The following MYO18B variants were observed in gnomAD, a reference collection of about 807,000 sequenced individuals.
The protein encoded by MYO18B is unconventional myosin-XVIIIb.
MYO18B carries 204 observed loss-of-function variants against 273.0 expected under a neutral mutation model. The observed-to-expected ratio is 0.75, with a 90% CI of 0.67 to 0.84. MYO18B has a LOEUF of 0.84. Among genes scored for constraint, MYO18B ranks in the 40% least tolerant of loss-of-function variants. The pLI is 0.00. For missense variants in MYO18B, 3,212 were observed against 3,287.6 expected (o/e 0.98, Z 0.56); for synonymous variants, 1,330 against 1,305.7 (o/e 1.02, Z -0.40).
At chr22:25,817,421 T>C (rs74764437) in intron 12 of MYO18B, among the ~76,000 whole-genome samples, 5 of 88,466 alleles carry the variant, frequency 5.7e-5, no homozygotes, top group Non-Finnish European at 1.1e-4. Context: ...CTCCCTCTTT[T>C]CTTTCCCTTT....
chr22:26,058,645 T>C, the MYO18B span, among the ~76,000 whole-genome samples: 1 of 152,052 alleles, frequency 6.6e-6, no homozygotes, highest in Admixed American at 6.6e-5. Context: ...AATGACTGAG[T>C]TCTCACTCAT....
At chr22:25,821,303 C>CT (rs59356967) in intron 12 of MYO18B, among the ~76,000 whole-genome samples, 43,908 of 144,558 alleles carry the variant, frequency 0.3, 6,691 homozygotes, top group African/African-American at 0.39. Flanking sequence ...CTAAGAGTTC[C>CT]TTTTTTTTTT....
chr22:26,026,570 G>C lies in MYO18B; in HGVS notation c.6596G>C (p.Arg2199Pro). The C allele has an allele frequency of 6.2e-7, 1 of 1,613,838 alleles. No individual in the cohort carries two copies. The highest frequency in any genetic ancestry group is 2.2e-5 in the East Asian group (1 of 44,868). The part of the protein sequence containing the change: ...DKPVSPHFVR[R>P]QKYCHFGDGE... ...CCTGTTTCTCCCCACTTTGTCCGCC[G>C]GCAAAAGTACTGTCATTTTGGGGAC... is the stretch of plus-strand genomic sequence containing the variant. Residue 2199 changes from arginine to proline, a missense_variant, in exon 43 of 44, where the codon CGG becomes CCG. By Grantham distance (103) the Arg-to-Pro change is moderately radical. Transcript: ENST00000335473.
At chr22:25,848,508 G>C (rs2090326066) in intron 20 of MYO18B, among the ~76,000 whole-genome samples, 1 of 152,210 alleles carries the variant, frequency 6.6e-6, no homozygotes, top group Non-Finnish European at 1.5e-5. Context: ...TGTGGGAGAA[G>C]AGGCTGAGGC....
chr22:25,813,207 G>A (rs1251545550), intron 12 of MYO18B, among the ~76,000 whole-genome samples: 6 of 138,026 alleles, frequency 4.3e-5, no homozygotes, highest in African/African-American at 1.1e-4. Context: ...TTTTTGAGAC[G>A]GAGTTTCGCT....
intron 25 of MYO18B, 77 bp downstream of exon 25, chr22:25,878,125 A>G (rs1488745341): frequency 1.7e-6 from 2 of 1,155,892 alleles, no homozygotes; most frequent in Non-Finnish European, 2.5e-6. Context: ...GAGAACAATG[A>G]TATGCCTGAA....
intron 12 of MYO18B, among the ~76,000 whole-genome samples, chr22:25,818,981 G>T (rs893749050): frequency 6.6e-6 from 1 of 152,022 alleles, no homozygotes; most frequent in Non-Finnish European, 1.5e-5. Flanking sequence ...ATCCAGTTTG[G>T]GCCAACACCC....
intron 16 of MYO18B, 26 bp downstream of exon 16, chr22:25,833,023 G>A (rs1364659366): frequency 3.1e-6 from 5 of 1,596,586 alleles, no homozygotes; most frequent in Non-Finnish European, 4.3e-6. Flanking sequence ...GCCAATCCAG[G>A]CTCTCAGATG....
chr22:25,762,260 C>T (rs1486010775), intron 2 of MYO18B, among the ~76,000 whole-genome samples: 1 of 152,236 alleles, frequency 6.6e-6, no homozygotes, highest in Non-Finnish European at 1.5e-5. Flanking sequence ...CCAGCTTTAT[C>T]CCATGGCCTT....
chr22:26,009,705 C>A (rs1397706479), intron 42 of MYO18B, among the ~76,000 whole-genome samples: 1 of 152,044 alleles, frequency 6.6e-6, no homozygotes, highest in East Asian at 1.9e-4. Flanking sequence ...GATTTCTGCT[C>A]CTTGGTTCTC....
At chr22:25,834,096 G>C (rs1240304319) in intron 16 of MYO18B, among the ~76,000 whole-genome samples, 1 of 152,102 alleles carries the variant, frequency 6.6e-6, no homozygotes. Flanking sequence ...TGGGAAGGGC[G>C]GGGTAGTCTC....
At chr22:26,052,528 C>T in the MYO18B span, among the ~76,000 whole-genome samples, 21 of 152,190 alleles carry the variant, frequency 1.4e-4, no homozygotes, top group Non-Finnish European at 1.6e-4. Context: ...GCATTCCCAT[C>T]ATCCCCACCA....
At chr22:25,762,944 T>A in intron 2 of MYO18B, 2 of 583,224 alleles carry the variant, frequency 3.4e-6, no homozygotes, top group Non-Finnish European at 6.7e-6. Flanking sequence ...ACCAGCAGCC[T>A]TGACCATACA....
chr22:25,759,632 A>G (rs774214832), intron 1 of MYO18B, among the ~76,000 whole-genome samples: 6 of 152,332 alleles, frequency 3.9e-5, no homozygotes, highest in Admixed American at 6.5e-5. Flanking sequence ...ACAAACCTGC[A>G]TGTTCTACAC....
Position 25,876,003 on chromosome 22 carries a change from C to CGT in MYO18B, c.4081-145_4081-144dup, listed in dbSNP as rs4049349. Among the ~76,000 whole-genome samples, 8,468 of 139,888 alleles carry CGT rather than the reference C, an allele frequency of 0.061. 311 individuals carry two copies. Among genetic ancestry groups the CGT allele is most frequent in the South Asian group, 0.17 (691 of 3,994 alleles). The allele number at this position is 139,888 out of a possible 152,430, so 91.8% of individuals were successfully genotyped here. ...CAAAAAGACTACAAGAAAGGAAGCC[C>CGT]GTGTGTGTGTGTGTGTGTGTGTGTG... On this transcript the variant is annotated intron_variant, in intron 23 of 43. Coordinates refer to ENST00000335473, the MANE Select transcript of MYO18B (RefSeq NM_032608.7).
chr22:25,816,803 T>A (rs577609226), intron 12 of MYO18B, among the ~76,000 whole-genome samples: 2 of 152,206 alleles, frequency 1.3e-5, no homozygotes, highest in African/African-American at 2.4e-5. Flanking sequence ...TCCAGAACAT[T>A]GCCTTTTCCT....
chr22:25,929,337 G>A (rs1199422836), intron 34 of MYO18B, among the ~76,000 whole-genome samples: 1 of 151,710 alleles, frequency 6.6e-6, no homozygotes, highest in Non-Finnish European at 1.5e-5. Flanking sequence ...AATGACACCT[G>A]TTTTTTTTCA....
chr22:26,022,795 G>A (rs1935925164), intron 42 of MYO18B, among the ~76,000 whole-genome samples: 1 of 152,238 alleles, frequency 6.6e-6, no homozygotes, highest in Non-Finnish European at 1.5e-5. Context: ...GGCTGTGCTG[G>A]GACATCTTGG....
intron 21 of MYO18B, among the ~76,000 whole-genome samples, chr22:25,854,689 C>G (rs2090517437): frequency 1.3e-5 from 2 of 152,218 alleles, no homozygotes; most frequent in Non-Finnish European, 2.9e-5. Context: ...CCCTCAGGCT[C>G]TGGCCATCAT....
Sources: allele counts gnomAD v4.1 joint callset (sites outside exome capture counted in the v4.1 genomes callset), GRCh38; gene constraint gnomAD v4.1.1; transcripts MANE v1.5; gene names NCBI Gene and HGNC (gene_info 2026-07-23, HGNC 2026-07-21).